The following MNAT1 variants were observed in gnomAD, a reference collection of about 807,000 sequenced individuals.
MNAT1 encodes CDK-activating kinase assembly factor MAT1.
MNAT1 carries 43 observed loss-of-function variants against 42.0 expected under a neutral mutation model. The ratio of observed to expected loss-of-function variants is 1.02; its 90% CI spans 0.80 to 1.32. MNAT1 has a LOEUF of 1.32. Ranked by LOEUF, MNAT1 falls within the 40% of genes most tolerant of loss-of-function variation. MNAT1 has a pLI of 0.00. For synonymous variants in MNAT1, 118 were observed against 120.0 expected (o/e 0.98, Z 0.11); for missense variants, 306 against 350.4 (o/e 0.87, Z 1.01).
chr14:60,939,069 G>A (rs566460263), intron 7 of MNAT1, among the ~76,000 whole-genome samples: 2 of 152,070 alleles, frequency 1.3e-5, no homozygotes, highest in South Asian at 2.1e-4. Context: ...CTGTGGGATC[G>A]GTGGTGATAT....
chr14:60,853,892 A>G (rs1290658139), intron 6 of MNAT1, among the ~76,000 whole-genome samples: 3 of 152,330 alleles, frequency 2.0e-5, no homozygotes, highest in Admixed American at 6.5e-5. Flanking sequence ...CCCAGGGATG[A>G]AGCCAACTTG....
chr14:60,940,901 A>AT (rs759632916), intron 7 of MNAT1, among the ~76,000 whole-genome samples: 1 of 142,930 alleles, frequency 7.0e-6, no homozygotes, highest in Admixed American at 6.7e-5. Context: ...TTAAAAAAAA[A>AT]GTTAGAGTGA....
chr14:60,841,396 AAC>A (rs2033548425), intron 6 of MNAT1, among the ~76,000 whole-genome samples: 1 of 151,602 alleles, frequency 6.6e-6, no homozygotes, highest in African/African-American at 2.4e-5. Flanking sequence ...GTGTGTTTTT[AAC>A]ACATACAACA....
chr14:60,804,994 C>T (rs913495158), intron 3 of MNAT1, among the ~76,000 whole-genome samples: 39 of 152,154 alleles, frequency 2.6e-4, no homozygotes, highest in African/African-American at 7.5e-4. Context: ...TCAATTTGAC[C>T]GCTTACTTTT....
At chr14:60,739,636 A>G (rs562469012) in intron 1 of MNAT1, among the ~76,000 whole-genome samples, 2 of 152,370 alleles carry the variant, frequency 1.3e-5, no homozygotes, top group Middle Eastern at 3.4e-3. Context: ...TAATCTAGCA[A>G]ATGCACAAAT....
At chr14:60,877,647 C>A (rs1036065855) in intron 6 of MNAT1, among the ~76,000 whole-genome samples, 3 of 151,742 alleles carry the variant, frequency 2.0e-5, no homozygotes, top group Non-Finnish European at 4.4e-5. Flanking sequence ...TAGAACTATA[C>A]CAAGAAAAAC....
intron 7 of MNAT1, among the ~76,000 whole-genome samples, chr14:60,934,424 A>G (rs956815072): frequency 6.6e-6 from 1 of 152,148 alleles, no homozygotes; most frequent in Non-Finnish European, 1.5e-5. Context: ...TCCGCACCCA[A>G]ATCTTATCTC....
intron 7 of MNAT1, among the ~76,000 whole-genome samples, chr14:60,955,066 A>G (rs2036458807): frequency 6.6e-6 from 1 of 152,136 alleles, no homozygotes; most frequent in Non-Finnish European, 1.5e-5. Context: ...CTACTTGATC[A>G]TAGTGTATTG....
intron 6 of MNAT1, among the ~76,000 whole-genome samples, chr14:60,874,068 A>G (rs2034385071): frequency 6.6e-6 from 1 of 152,228 alleles, no homozygotes; most frequent in Non-Finnish European, 1.5e-5. Flanking sequence ...TTAAAGGTTT[A>G]CTAAATTGCT....
intron 6 of MNAT1, among the ~76,000 whole-genome samples, chr14:60,840,678 T>C (rs1034063282): frequency 5.3e-5 from 8 of 152,198 alleles, no homozygotes; most frequent in Non-Finnish European, 7.4e-5. Flanking sequence ...GATTTTTTTT[T>C]TGAGTCAGAG....
chr14:60,772,619 T>C lies in MNAT1; in HGVS notation c.90-23598T>C, dbSNP rs544289776. Among the ~76,000 whole-genome samples, 420 of 152,140 alleles carry C rather than the reference T, an allele frequency of 2.8e-3. 2 individuals are homozygous for C. Among genetic ancestry groups the C allele is most frequent in the Non-Finnish European group, 3.2e-3 (216 of 68,010 alleles). On this transcript the variant is annotated intron_variant, in intron 1 of 7. Coordinates refer to ENST00000261245, the MANE Select transcript of MNAT1 (RefSeq NM_002431.4). ...TCAAAAAAAAAAAAAAGCCAATTCT[T>C]GGCTTTCCAAAAAAAAATCAAAATC...
intron 7 of MNAT1, among the ~76,000 whole-genome samples, chr14:60,959,563 C>A (rs996662565): frequency 2.0e-5 from 3 of 152,144 alleles, no homozygotes. Flanking sequence ...CTATGCTGAT[C>A]AGTGCTAGCC....
chr14:60,900,679 C>T (rs1485167071), intron 7 of MNAT1, among the ~76,000 whole-genome samples: 5 of 152,084 alleles, frequency 3.3e-5, no homozygotes, highest in South Asian at 2.1e-4. Flanking sequence ...ATGAAACATC[C>T]GTCTATTGGA....
At chr14:60,878,390 A>C in intron 6 of MNAT1, among the ~76,000 whole-genome samples, 1 of 152,182 alleles carries the variant, frequency 6.6e-6, no homozygotes, top group East Asian at 1.9e-4. Context: ...TTTTGAGGTT[A>C]GGAAACAAAA....
intron 1 of MNAT1, among the ~76,000 whole-genome samples, chr14:60,783,753 C>T (rs752001475): frequency 1.2e-4 from 18 of 152,308 alleles, no homozygotes; most frequent in Non-Finnish European, 2.1e-4. Flanking sequence ...TCCTTGGCCT[C>T]GACCTCCCAA....
chr14:60,763,035 A>C (rs1449333214), intron 1 of MNAT1, among the ~76,000 whole-genome samples: 1 of 152,176 alleles, frequency 6.6e-6, no homozygotes, highest in Non-Finnish European at 1.5e-5. Flanking sequence ...AATAGATAAA[A>C]GAATATATTT....
At chr14:60,830,942 A>G (rs2033195769) in intron 6 of MNAT1, among the ~76,000 whole-genome samples, 1 of 152,086 alleles carries the variant, frequency 6.6e-6, no homozygotes, top group Non-Finnish European at 1.5e-5. Flanking sequence ...TACTCAACTG[A>G]ATGGATACAT....
intron 1 of MNAT1, among the ~76,000 whole-genome samples, chr14:60,780,970 T>G (rs1399855154): frequency 3.3e-5 from 5 of 152,238 alleles, no homozygotes; most frequent in African/African-American, 1.2e-4. Context: ...GGGAGATATT[T>G]AATTATAAAA....
rs188890690 is a variant in MNAT1 at position 60,909,211 on chromosome 14, T to C, written c.809+29376T>C. 8.6e-3 allele frequency among the ~76,000 whole-genome samples: 1,310 copies of C among 152,336 alleles called. 8 individuals are homozygous for C. Among genetic ancestry groups the C allele is most frequent in the Non-Finnish European group, 0.012 (808 of 68,018 alleles). ...TAAATTTGTTTGAGTTCATTGTAGA[T>C]TCTGGATATTAGCCCTTTGTCAGAT... On this transcript the variant is annotated intron_variant, in intron 7 of 7. Transcript: ENST00000261245.
Sources: gnomAD v4.1 joint callset for allele counts (sites outside exome capture counted in the v4.1 genomes callset) on GRCh38, gnomAD v4.1.1 for gene constraint, MANE v1.5 for transcripts, NCBI Gene and HGNC (gene_info 2026-07-23, HGNC 2026-07-21) for gene names.